The following CHIC1 variants were observed in gnomAD, a reference collection of about 807,000 sequenced individuals.
The protein encoded by CHIC1 is cysteine rich hydrophobic domain 1, also known as cysteine-rich hydrophobic domain-containing protein 1.
In CHIC1, 7 loss-of-function variants were observed where a neutral mutation model predicts 18.5. The observed-to-expected ratio is 0.38, with a 90% confidence interval of 0.22 to 0.71. The LOEUF is 0.71. CHIC1 is among the 30% of genes least tolerant of loss of function. The pLI, the probability that CHIC1 is intolerant of heterozygous loss-of-function variation, is 0.49. For synonymous variants in CHIC1, 77 were observed against 73.5 expected (o/e 1.05, Z -0.25); for missense variants, 159 against 176.9 (o/e 0.90, Z 0.57).
chrX:73,569,630 A>C (rs2057460683), intron 1 of CHIC1, among the ~76,000 whole-genome samples: 1 of 111,732 alleles, frequency 8.9e-6, no homozygotes, highest in Non-Finnish European at 1.9e-5. Flanking sequence ...TTCTTAACTT[A>C]ATGGTTTGTT....
At chrX:73,646,256 G>A (rs1039165094) in intron 3 of CHIC1, among the ~76,000 whole-genome samples, 3 of 111,838 alleles carry the variant, frequency 2.7e-5, no homozygotes, top group African/African-American at 9.8e-5. Context: ...CTATTGTCCA[G>A]TGTGTCTGTA....
intron 3 of CHIC1, among the ~76,000 whole-genome samples, chrX:73,677,991 G>GT (rs371037548): frequency 6.2e-5 from 5 of 80,414 alleles, no homozygotes; most frequent in African/African-American, 2.7e-4. Flanking sequence ...TTTGGAGGTT[G>GT]TTTTTTTTTT....
intron 1 of CHIC1, among the ~76,000 whole-genome samples, chrX:73,576,359 A>G (rs1481088121): frequency 1.8e-5 from 2 of 110,839 alleles, no homozygotes; most frequent in Non-Finnish European, 3.8e-5. Context: ...TTATACCAGC[A>G]TCACCACAAA....
chrX:73,586,796 A>T (rs2057555145), intron 3 of CHIC1, among the ~76,000 whole-genome samples: 1 of 111,955 alleles, frequency 8.9e-6, no homozygotes, highest in South Asian at 3.7e-4. Flanking sequence ...TAGTCCTGAG[A>T]CCAGAAATGT....
chrX:73,605,119 A>T (rs755768680), intron 3 of CHIC1, among the ~76,000 whole-genome samples: 5 of 107,957 alleles, frequency 4.6e-5, no homozygotes. Flanking sequence ...TCCCACTATT[A>T]TCGTGTAGGA....
intron 3 of CHIC1, among the ~76,000 whole-genome samples, chrX:73,633,370 T>G (rs974655310): frequency 1.8e-5 from 2 of 110,986 alleles, no homozygotes; most frequent in Non-Finnish European, 3.8e-5. Context: ...TCTTATGGCT[T>G]ATAAGGTTTC....
chrX:73,660,767 A>T (rs1326477228), intron 3 of CHIC1, among the ~76,000 whole-genome samples: 1 of 111,378 alleles, frequency 9.0e-6, no homozygotes, highest in African/African-American at 3.3e-5. Context: ...GAATCCAAAG[A>T]GGACCTGAGG....
At chrX:73,674,397 G>A (rs2058050067) in intron 3 of CHIC1, among the ~76,000 whole-genome samples, 1 of 111,728 alleles carries the variant, frequency 9.0e-6, no homozygotes, top group South Asian at 3.7e-4. Flanking sequence ...ATTGATTATT[G>A]CCTCAATGTC....
intron 2 of CHIC1, among the ~76,000 whole-genome samples, chrX:73,577,935 C>G (rs1206758417): frequency 9.1e-6 from 1 of 109,436 alleles, no homozygotes; most frequent in Non-Finnish European, 1.9e-5. Context: ...TAAATTCATA[C>G]CTTTCTATTC....
At position 73,597,342 on chromosome X, in the gene CHIC1, T is replaced by G. The variant is rs138103454; in HGVS notation, c.507+12770T>G. Among the ~76,000 whole-genome samples, 699 of 110,778 alleles carry G rather than the reference T, an allele frequency of 6.3e-3. 8 individuals carry two copies. Among genetic ancestry groups the G allele is most frequent in the African/African-American group, 0.021 (655 of 30,587 alleles). ...TCCATTTTCTCTCTAGGTTGTTTAT[T>G]TGTTCTTTAGTTGTGGGTGTTTTTA... is the stretch of plus-strand genomic sequence containing the variant. On this transcript the variant is annotated intron_variant, in intron 3 of 5. Transcript: ENST00000373502.
At chrX:73,603,378 A>C (rs151102828) in intron 3 of CHIC1, among the ~76,000 whole-genome samples, 2 of 108,507 alleles carry the variant, frequency 1.8e-5, no homozygotes, top group South Asian at 7.6e-4. Context: ...TGAAGTTGCT[A>C]ATCAGCTTAA....
intron 3 of CHIC1, among the ~76,000 whole-genome samples, chrX:73,620,428 G>A (rs1285493925): frequency 8.9e-6 from 1 of 112,119 alleles, no homozygotes. Flanking sequence ...TCTCATTGTG[G>A]TTTTGACTTG....
intron 2 of CHIC1, among the ~76,000 whole-genome samples, chrX:73,583,334 C>T (rs1245478489): frequency 9.0e-6 from 1 of 110,956 alleles, no homozygotes; most frequent in Non-Finnish European, 1.9e-5. Context: ...AGTGTTGATT[C>T]TAAGACATCT....
intron 3 of CHIC1, among the ~76,000 whole-genome samples, chrX:73,620,004 A>T (rs1446759006): frequency 9.0e-6 from 1 of 111,497 alleles, no homozygotes; most frequent in Non-Finnish European, 1.9e-5. Flanking sequence ...GATGGTTTCC[A>T]GTTTCATCCA....
At chrX:73,672,271 T>C (rs965462152) in intron 3 of CHIC1, among the ~76,000 whole-genome samples, 37 of 112,091 alleles carry the variant, frequency 3.3e-4, no homozygotes, top group Admixed American at 2.2e-3. Flanking sequence ...TATAATCCTT[T>C]GGGTATATAC....
intron 3 of CHIC1, among the ~76,000 whole-genome samples, chrX:73,589,845 G>A (rs1348998048): frequency 2.7e-5 from 3 of 110,828 alleles, no homozygotes; most frequent in Non-Finnish European, 5.7e-5. Flanking sequence ...TTTTTTGAAG[G>A]ATAATTTTGC....
rs1309906004 is a variant in CHIC1, at chrX:73,682,242, A to G, written c.*1237A>G. On this transcript the variant is annotated 3_prime_UTR_variant, in exon 6 of 6. Transcript: ENST00000373502. ...TAGACAAAAGTATTTTAGTTTATAA[A>G]TTCAGCACATATGTAACATTTATTT... 8.9e-6 allele frequency: 1 copy of G among 112,018 alleles called. No homozygotes were observed. Among genetic ancestry groups the G allele is most frequent in the African/African-American group, 3.2e-5 (1 of 30,967 alleles). 9.2% of individuals were successfully genotyped at this position (112,018 alleles called of 1,213,427 possible).
chrX:73,588,334 AT>A (rs1348509205), intron 3 of CHIC1, among the ~76,000 whole-genome samples: 3 of 110,735 alleles, frequency 2.7e-5, no homozygotes, highest in Admixed American at 1.9e-4. Flanking sequence ...TTATGTTTGC[AT>A]TTTTGAACAT....
chrX:73,653,911 C>T (rs1302572575), intron 3 of CHIC1, among the ~76,000 whole-genome samples: 4 of 112,323 alleles, frequency 3.6e-5, no homozygotes, highest in African/African-American at 1.3e-4. Context: ...ATTTTGCATC[C>T]TGCAACTTTA....
Sources: allele counts gnomAD v4.1 joint callset (sites outside exome capture counted in the v4.1 genomes callset), GRCh38; gene constraint gnomAD v4.1.1; transcripts MANE v1.5; gene names NCBI Gene and HGNC (gene_info 2026-07-23, HGNC 2026-07-21).